The following L3HYPDH variants were observed in gnomAD, a reference collection of about 807,000 sequenced individuals.
The protein encoded by L3HYPDH is trans-3-hydroxy-L-proline dehydratase.
In L3HYPDH, 32 loss-of-function variants were observed where a neutral mutation model predicts 26.5. The ratio of observed to expected loss-of-function variants is 1.21; its 90% CI spans 0.91 to 1.62. The LOEUF (loss-of-function observed/expected upper bound fraction) is 1.62, where lower values mean the gene tolerates loss of function less well. Ranked by LOEUF, L3HYPDH falls within the 40% of genes most tolerant of loss-of-function variation. The pLI, the probability that L3HYPDH is intolerant of heterozygous loss-of-function variation, is 0.00. For synonymous variants in L3HYPDH, 215 were observed against 196.6 expected (o/e 1.09, Z -0.78); for missense variants, 554 against 476.4 (o/e 1.16, Z -1.52).
the L3HYPDH span, chr14:59,504,642 G>C: frequency 6.6e-6 from 1 of 152,524 alleles, no homozygotes; most frequent in African/African-American, 2.4e-5. Context: ...TTTATAGATT[G>C]GTTCAAGATT....
At chr14:59,481,690 CA>C (rs575273829) in intron 1 of L3HYPDH, among the ~76,000 whole-genome samples, 158 of 152,218 alleles carry the variant, frequency 1.0e-3, no homozygotes, top group African/African-American at 3.6e-3. Context: ...TTTAGTTGGA[CA>C]AGACAGATTT....
At chr14:59,490,235 AAAC>A in the L3HYPDH span, among the ~76,000 whole-genome samples, 5 of 152,248 alleles carry the variant, frequency 3.3e-5, no homozygotes, top group African/African-American at 1.2e-4. Flanking sequence ...AGGATCTTTT[AAAC>A]AACCAAATCT....
chr14:59,482,399 G>A (rs988232874), intron 1 of L3HYPDH, among the ~76,000 whole-genome samples: 3 of 152,176 alleles, frequency 2.0e-5, no homozygotes, highest in Non-Finnish European at 1.5e-5. Context: ...GAACTACTGA[G>A]GTCAAGTGGT....
downstream of L3HYPDH, among the ~76,000 whole-genome samples, chr14:59,469,165 G>C (rs1594902047): frequency 6.6e-6 from 1 of 152,234 alleles, no homozygotes; most frequent in African/African-American, 2.4e-5. Context: ...TCTCAGGTCT[G>C]GGGGAAAAAG....
At chr14:59,481,435 G>A (rs1890012682) in intron 1 of L3HYPDH, among the ~76,000 whole-genome samples, 1 of 152,136 alleles carries the variant, frequency 6.6e-6, no homozygotes. Flanking sequence ...AAGTGGCAGA[G>A]CTTGGGGTCA....
chr14:59,473,819 G>C (rs1031567100), intron 4 of L3HYPDH, among the ~76,000 whole-genome samples: 1 of 152,000 alleles, frequency 6.6e-6, no homozygotes, highest in African/African-American at 2.4e-5. Context: ...AGGAAGGTGG[G>C]GATGAAGTGA....
intron 1 of L3HYPDH, among the ~76,000 whole-genome samples, chr14:59,467,397 A>C (rs1889220924): frequency 6.6e-6 from 1 of 152,166 alleles, no homozygotes; most frequent in South Asian, 2.1e-4. Context: ...ACTGAACTTC[A>C]TCAGGGGAGG....
the L3HYPDH span, among the ~76,000 whole-genome samples, chr14:59,494,331 C>T: frequency 6.6e-6 from 1 of 152,094 alleles, no homozygotes; most frequent in Non-Finnish European, 1.5e-5. Flanking sequence ...AATGGATAAA[C>T]AAATCACAGT....
intron 4 of L3HYPDH, 113 bp from the exon 5 acceptor site, chr14:59,473,203 T>A (rs1262002467): frequency 2.1e-6 from 2 of 968,208 alleles, no homozygotes; most frequent in Admixed American, 2.9e-5. Flanking sequence ...GGGTTAATCC[T>A]ATGGGCCAGG....
At chr14:59,494,881 A>C in the L3HYPDH span, 8 of 636,656 alleles carry the variant, frequency 1.3e-5, no homozygotes, top group African/African-American at 1.5e-4. Context: ...CCTTTTGAGA[A>C]AAAAAGGTTA....
the L3HYPDH span, among the ~76,000 whole-genome samples, chr14:59,494,061 C>T: frequency 6.6e-6 from 1 of 151,988 alleles, no homozygotes; most frequent in African/African-American, 2.4e-5. Context: ...GAAATCTCTT[C>T]TAGGTGAATT....
the L3HYPDH span, chr14:59,504,062 A>G: frequency 1.3e-3 from 2,078 of 1,608,162 alleles, 3 homozygotes; most frequent in Non-Finnish European, 1.5e-3. Context: ...GAAGGAGCCA[A>G]TGGACACTGA....
chr14:59,505,269 T>C, the L3HYPDH span: 1 of 1,509,776 alleles, frequency 6.6e-7, no homozygotes, highest in Non-Finnish European at 8.9e-7. Flanking sequence ...TCTCAGTACA[T>C]TTAACCACTG....
chr14:59,484,747 T>C (rs1353796174), upstream of L3HYPDH: 2 of 1,051,526 alleles, frequency 1.9e-6, no homozygotes, highest in Non-Finnish European at 2.8e-6. Context: ...GGCTCCGCAC[T>C]CCTGCGGGGT....
upstream of L3HYPDH, chr14:59,487,641 C>A (rs1890681694): frequency 6.5e-7 from 1 of 1,533,436 alleles, no homozygotes; most frequent in East Asian, 2.3e-5. Flanking sequence ...AAAATAATAT[C>A]TGTACACAAA....
chr14:59,468,909 T>C (rs959172380), downstream of L3HYPDH, among the ~76,000 whole-genome samples: 2 of 152,086 alleles, frequency 1.3e-5, no homozygotes, highest in African/African-American at 4.8e-5. Context: ...AGGTAGTATA[T>C]GGATTAGGAT....
At chr14:59,480,647 C>T (rs1449417217) in intron 1 of L3HYPDH, among the ~76,000 whole-genome samples, 1 of 152,194 alleles carries the variant, frequency 6.6e-6, no homozygotes, top group African/African-American at 2.4e-5. Context: ...TATCAGTATG[C>T]TATCAGTCCA....
chr14:59,472,939 G>C lies in L3HYPDH; in HGVS notation c.*26C>G, dbSNP rs1209854051. 1.9e-6 allele frequency: 3 copies of C among 1,558,126 alleles called. No individual in the cohort carries two copies. The highest frequency in any genetic ancestry group is 2.6e-6 in the Non-Finnish European group (3 of 1,160,370). ...TTAAGGATAATGATTACTTTAAAAA[G>C]AAAGCCCTTAAAATCATGGAAGAAG... On this transcript the variant is annotated 3_prime_UTR_variant, in exon 5 of 5. Coordinates refer to ENST00000247194, the MANE Select transcript of L3HYPDH (RefSeq NM_144581.2).
In L3HYPDH at chr14:59,473,026, C is replaced by A. The variant is rs770874408; in HGVS notation, c.1004G>T (p.Gly335Val). The change falls in exon 5 of 5, where the codon GGT (glycine) becomes GTT (valine). Residue 335 changes from glycine (G) to valine (V), a missense_variant. By Grantham distance (109) the Gly-to-Val change is moderately radical. Coordinates refer to ENST00000247194, the MANE Select transcript of L3HYPDH (RefSeq NM_144581.2). ...ATCTTCTATTATAAAGCTTGCTGTACCCGTGTAATGGGCTTGTCCTGATAC... is the reference window on the plus strand; with the variant it reads ...ATCTTCTATTATAAAGCTTGCTGTAACCGTGTAATGGGCTTGTCCTGATAC... ...VEVSGQAHYT[G>V]TASFIIEDDD... 1.2e-6 allele frequency: 2 copies of A among 1,608,766 alleles called. No homozygotes were observed. Among genetic ancestry groups the A allele is most frequent in the Non-Finnish European group, 1.7e-6 (2 of 1,177,840 alleles).
Sources: allele counts gnomAD v4.1 joint callset (sites outside exome capture counted in the v4.1 genomes callset), GRCh38; gene constraint gnomAD v4.1.1; transcripts MANE v1.5; gene names NCBI Gene and HGNC (gene_info 2026-07-23, HGNC 2026-07-21).